Variants in LEPROT observed in about 807,000 individuals in gnomAD.
LEPROT encodes the protein leptin receptor gene-related protein.
LEPROT carries 3 observed loss-of-function variants against 15.4 expected under a neutral mutation model. The observed-to-expected ratio is 0.19, with a 90% CI of 0.09 to 0.50. LEPROT has a LOEUF of 0.50. Among genes scored for constraint, LEPROT ranks in the 20% least tolerant of loss-of-function variants. The probability of loss-of-function intolerance (pLI) is 0.97; values close to 1 mark genes in which losing one functional copy is unlikely to be tolerated. For missense variants in LEPROT, 137 were observed against 162.2 expected (o/e 0.84, Z 0.84); for synonymous variants, 59 against 57.5 (o/e 1.03, Z -0.12).
rs1268889786 is a variant in LEPROT, at chr1:65,432,949, A to G, written c.*1030A>G. ...ATTTGTCAATATATAATCAAAATAA[A>G]AAACAAAACATACTCTCTCCCCCAA... On this transcript the variant is annotated 3_prime_UTR_variant, in exon 4 of 4. Transcript: ENST00000371065. 1.5e-5 allele frequency: 15 copies of G among 984,692 alleles called. No individual in the cohort carries two copies. The highest frequency in any genetic ancestry group is 1.8e-5 in the Non-Finnish European group (15 of 829,356). 61.0% of individuals were successfully genotyped at this position (984,692 alleles called of 1,614,324 possible).
In LEPROT at chr1:65,432,224, G is replaced by A. The variant is rs9282773; in HGVS notation, c.*305G>A. On this transcript the variant is annotated 3_prime_UTR_variant, in exon 4 of 4. Coordinates refer to ENST00000371065, the MANE Select transcript of LEPROT (RefSeq NM_017526.5). The stretch of plus-strand genomic sequence containing the variant: ...CAGCTGCCACCTTATGCAGTGCATC[G>A]AAACCTTTTGCTTGGGGATGTGCTT... 849 of 1,024,096 alleles carry A rather than the reference G, an allele frequency of 8.3e-4. No homozygotes were observed. Among genetic ancestry groups the A allele is most frequent in the Non-Finnish European group, 9.6e-4 (822 of 854,682 alleles). 63.4% of individuals were successfully genotyped at this position (1,024,096 alleles called of 1,614,324 possible).
intron 1 of LEPROT, chr1:65,421,547 C>A: frequency 6.9e-7 from 1 of 1,452,382 alleles, no homozygotes; most frequent in Non-Finnish European, 9.3e-7. Flanking sequence ...GAAATTTGCA[C>A]CCAAAGATAT....
At chr1:65,425,247 T>C in intron 1 of LEPROT, 56 bp from the exon 2 acceptor site, 1 of 1,490,918 alleles carries the variant, frequency 6.7e-7, no homozygotes, top group African/African-American at 1.4e-5. Context: ...CCAAACCCTC[T>C]AGTGCCTGAC....
Position 65,434,209 on chromosome 1 carries a change from T to A in LEPROT, c.*2290T>A, listed in dbSNP as rs1302079660. The stretch of plus-strand genomic sequence containing the variant: ...AGAGAGCTATTCTGCAGTGCCTAAA[T>A]ATCATTTAAACAGTAAATATTAATA... On this transcript the variant is annotated 3_prime_UTR_variant, in exon 4 of 4. Coordinates refer to ENST00000371065, the MANE Select transcript of LEPROT (RefSeq NM_017526.5). The A allele has an allele frequency of 3.1e-6, 3 of 981,824 alleles. No individual in the cohort carries two copies. In the East Asian group the frequency reaches 3.4e-4, roughly 111 times the overall value. The allele number at this position is 981,824 out of a possible 1,614,324, so 60.8% of individuals were successfully genotyped here.
chr1:65,431,316 G>A (rs1222075296), intron 3 of LEPROT, among the ~76,000 whole-genome samples: 1 of 152,108 alleles, frequency 6.6e-6, no homozygotes, highest in Non-Finnish European at 1.5e-5. Context: ...ACCCCCAAAT[G>A]TGCTTCTGTA....
In LEPROT at chr1:65,432,513, C is replaced by A; in HGVS notation, c.*594C>A. 1 of 694,462 alleles carries A rather than the reference C, an allele frequency of 1.4e-6. No homozygotes were observed. The highest frequency in any genetic ancestry group is 1.8e-6 in the Non-Finnish European group (1 of 564,714). 43.0% of individuals were successfully genotyped at this position (694,462 alleles called of 1,614,324 possible). A position where few individuals can be genotyped will look rare whatever the true frequency, so the allele number is the denominator to read the frequency against. On this transcript the variant is annotated 3_prime_UTR_variant, in exon 4 of 4. Coordinates refer to ENST00000371065, the MANE Select transcript of LEPROT (RefSeq NM_017526.5). ...TAAACATCACACCCAACTTCCTTAT[C>A]TTTCCAGTGGCTAAACCACTTAACC...
At position 65,432,415 on chromosome 1, in the gene LEPROT, A is replaced by AC. The variant is rs918931626; in HGVS notation, c.*499dup. 3 of 806,394 alleles carry AC rather than the reference A, an allele frequency of 3.7e-6. No homozygotes were observed. In the Admixed American group the frequency reaches 1.9e-4, roughly 50 times the overall value. The allele number at this position is 806,394 out of a possible 1,614,324, so 50.0% of individuals were successfully genotyped here. ...TGCAGAATCTGAAGCCCCACTCTGG[A>AC]CCCAGGACATTTTGATGAGATCCAA... On this transcript the variant is annotated 3_prime_UTR_variant, in exon 4 of 4. Coordinates refer to ENST00000371065, the MANE Select transcript of LEPROT (RefSeq NM_017526.5).
rs1424822915 is a variant in LEPROT, at chr1:65,432,478, C to T, written c.*559C>T. ...CACATGAAAGTTTGAGAAGCATCAT[C>T]ATAGAGAAGTAAACATCACACCCAA... On this transcript the variant is annotated 3_prime_UTR_variant, in exon 4 of 4. Coordinates refer to ENST00000371065, the MANE Select transcript of LEPROT (RefSeq NM_017526.5). 1 of 591,768 alleles carries T rather than the reference C, an allele frequency of 1.7e-6. No homozygotes were observed. Among genetic ancestry groups the T allele is most frequent in the African/African-American group, 2.0e-5 (1 of 49,448 alleles). 36.7% of individuals were successfully genotyped at this position (591,768 alleles called of 1,614,324 possible). A position where few individuals can be genotyped will look rare whatever the true frequency, so the allele number is the denominator to read the frequency against.
intron 3 of LEPROT, 32 bp downstream of exon 3, chr1:65,430,080 C>G: frequency 3.3e-6 from 5 of 1,519,946 alleles, no homozygotes; most frequent in Non-Finnish European, 3.6e-6. Context: ...TTTGCCCAAC[C>G]GTTGCTGAGT....
chr1:65,432,019 T>C lies in LEPROT; in HGVS notation c.*100T>C. ...TTACTATGAAATTTAATATGCTGGG[T>C]TTTTTAATACCTTTATATATCATGT... On this transcript the variant is annotated 3_prime_UTR_variant, in exon 4 of 4. Transcript: ENST00000371065. 2 of 1,473,282 alleles carry C rather than the reference T, an allele frequency of 1.4e-6. No homozygotes were observed. The highest frequency in any genetic ancestry group is 1.8e-6 in the Non-Finnish European group (2 of 1,116,106). The allele number at this position is 1,473,282 out of a possible 1,614,324, so 91.3% of individuals were successfully genotyped here. A position where few individuals can be genotyped will look rare whatever the true frequency, so the allele number is the denominator to read the frequency against.
Position 65,429,913 on chromosome 1 carries a change from C to G in LEPROT, c.144C>G (p.Pro48=). 1 of 1,546,786 alleles carries G rather than the reference C, an allele frequency of 6.5e-7. No individual in the cohort carries two copies. The highest frequency in any genetic ancestry group is 8.8e-7 in the Non-Finnish European group (1 of 1,132,746). ...TTTTCCACGCCATCTCCCCCATCCC[C>G]CATTTCATTGCCAAAAGAGTCACCT... is the stretch of plus-strand genomic sequence containing the variant. ...VLIFHAISPI[P]HFIAKRVTYD... is the part of the protein sequence containing the mutation. Residue 48 remains proline, a synonymous_variant, in exon 3 of 4, where the codon CCC becomes CCG. Coordinates refer to ENST00000371065, the MANE Select transcript of LEPROT (RefSeq NM_017526.5).
chr1:65,422,075 T>G (rs1646262141), intron 1 of LEPROT, among the ~76,000 whole-genome samples: 1 of 152,100 alleles, frequency 6.6e-6, no homozygotes, highest in African/African-American at 2.4e-5. Context: ...AGATGGTGGG[T>G]TGGATTTTGT....
Position 65,425,378 on chromosome 1 carries a change from G to A in LEPROT, c.92G>A (p.Gly31Asp), listed in dbSNP as rs1646340659. The change falls in exon 2 of 4, where the codon GGC (glycine) becomes GAC (aspartate). Residue 31 changes from glycine to aspartate, a missense_variant and splice_region_variant. Coordinates refer to ENST00000371065, the MANE Select transcript of LEPROT (RefSeq NM_017526.5). ...CTGGGATGTGCCTTAGAGGATTATG[G>A]GTAAGTTATCATTTCAAAAAGAACT... is the stretch of plus-strand genomic sequence containing the variant. ...LMLGCALEDY[G>D]VYWPLFVLIF... 1 of 1,595,086 alleles carries A rather than the reference G, an allele frequency of 6.3e-7. No homozygotes were observed.
At chr1:65,426,678 T>C in intron 2 of LEPROT, among the ~76,000 whole-genome samples, 1 of 152,088 alleles carries the variant, frequency 6.6e-6, no homozygotes, top group East Asian at 1.9e-4. Context: ...GTCTCCCAGG[T>C]GATTGGCTTG....
chr1:65,426,731 G>A (rs1158967666), intron 2 of LEPROT, among the ~76,000 whole-genome samples: 1 of 152,184 alleles, frequency 6.6e-6, no homozygotes, highest in Non-Finnish European at 1.5e-5. Context: ...AGGCACCATG[G>A]CTCACGCCTG....
chr1:65,431,816 C>T lies in LEPROT; in HGVS notation c.293C>T (p.Ala98Val). The change falls in exon 4 of 4, where the codon GCC becomes GTC. Residue 98 changes from alanine to valine, a missense_variant. Coordinates refer to ENST00000371065, the MANE Select transcript of LEPROT (RefSeq NM_017526.5). Reference sequence around the variant, plus strand: ...CTTGTCTTTCAGATCAAATGGGGAGCCTGCGGCCTTGTGTTGGCAGGCAAT... The same window carrying T: ...CTTGTCTTTCAGATCAAATGGGGAGTCTGCGGCCTTGTGTTGGCAGGCAAT... ...LARVAVIKWGACGLVLAGNAV... is the reference protein window; with the variant it reads ...LARVAVIKWGVCGLVLAGNAV... 6.2e-7 allele frequency: 1 copy of T among 1,613,392 alleles called. No individual in the cohort carries two copies. The highest frequency in any genetic ancestry group is 8.5e-7 in the Non-Finnish European group (1 of 1,179,712).
In LEPROT at chr1:65,435,901, T is replaced by A. The variant is rs939008105; in HGVS notation, c.*3982T>A. On this transcript the variant is annotated 3_prime_UTR_variant, in exon 4 of 4. Coordinates refer to ENST00000371065, the MANE Select transcript of LEPROT (RefSeq NM_017526.5). Reference sequence around the variant, plus strand: ...CTGAGTAATAGCTCATAAATTATAATCTTTCAAATAGCCATGCTACCAGCG... The same window carrying A: ...CTGAGTAATAGCTCATAAATTATAAACTTTCAAATAGCCATGCTACCAGCG... 1 of 984,760 alleles carries A rather than the reference T, an allele frequency of 1.0e-6. No individual in the cohort carries two copies. Among genetic ancestry groups the A allele is most frequent in the African/African-American group, 1.7e-5 (1 of 57,210 alleles). The allele number at this position is 984,760 out of a possible 1,614,324, so 61.0% of individuals were successfully genotyped here.
chr1:65,434,769 G>A lies in LEPROT; in HGVS notation c.*2850G>A. ...GGAGTTTTGTTCACCTCTCCCAACT[G>A]AGAACCTTCCCACTGGGCTCCATCC... On this transcript the variant is annotated 3_prime_UTR_variant, in exon 4 of 4. Coordinates refer to ENST00000371065, the MANE Select transcript of LEPROT (RefSeq NM_017526.5). The A allele has an allele frequency of 1.0e-6, 1 of 985,384 alleles. No homozygotes were observed. The highest frequency in any genetic ancestry group is 1.7e-5 in the African/African-American group (1 of 57,270). 61.0% of individuals were successfully genotyped at this position (985,384 alleles called of 1,614,324 possible).
chr1:65,423,984 A>C (rs1034618458), intron 1 of LEPROT, among the ~76,000 whole-genome samples: 1 of 152,218 alleles, frequency 6.6e-6, no homozygotes, highest in Non-Finnish European at 1.5e-5. Flanking sequence ...CATAAGCTCA[A>C]TAAGGTGGCA....
Sources: allele counts gnomAD v4.1 joint callset (sites outside exome capture counted in the v4.1 genomes callset), GRCh38; gene constraint gnomAD v4.1.1; transcripts MANE v1.5; gene names NCBI Gene and HGNC (gene_info 2026-07-23, HGNC 2026-07-21).